STK32B: variants seen among roughly 807,000 people sequenced by gnomAD.
The protein encoded by STK32B is serine/threonine-protein kinase 32B.
Under a neutral mutation model 52.6 loss-of-function variants are expected in STK32B, and 43 were observed. The ratio of observed to expected loss-of-function variants is 0.82; its 90% CI spans 0.64 to 1.05. The LOEUF is 1.05. Among genes scored for constraint, STK32B ranks in the 50% least tolerant of loss-of-function variants. STK32B has a pLI of 0.00. For missense variants in STK32B, 621 were observed against 534.6 expected (o/e 1.16, Z -1.59); for synonymous variants, 238 against 204.3 (o/e 1.17, Z -1.41).
At chr4:5,044,720 AAC>A in the STK32B span, among the ~76,000 whole-genome samples, 2 of 152,126 alleles carry the variant, frequency 1.3e-5, no homozygotes, top group Admixed American at 1.3e-4. Context: ...CAGCCTGGGA[AAC>A]ACAGTGAGAC....
intron 3 of STK32B, among the ~76,000 whole-genome samples, chr4:5,221,412 T>G (rs1312841466): frequency 6.6e-6 from 1 of 152,204 alleles, no homozygotes; most frequent in Non-Finnish European, 1.5e-5. Flanking sequence ...GATGGACTCC[T>G]AGATAATACC....
intron 3 of STK32B, among the ~76,000 whole-genome samples, chr4:5,307,677 T>C (rs917791275): frequency 6.6e-6 from 1 of 152,112 alleles, no homozygotes; most frequent in South Asian, 2.1e-4. Flanking sequence ...GTGTGATCTT[T>C]TGGGAGTGTT....
rs1050411836 is a variant in STK32B, at chr4:5,394,050, G to A, written c.435-4157G>A. On this transcript the variant is annotated intron_variant, in intron 4 of 11. Coordinates refer to ENST00000282908, the MANE Select transcript of STK32B (RefSeq NM_018401.3). The surrounding 1 kb of genome is among the most constrained non-coding windows in gnomAD (Gnocchi z 4.2). Reference sequence around the variant, plus strand: ...GATTGCCAGCATAGAATATTGAGAAGCCCCCTGCCAAAAGACACATGCAGA... The same window carrying A: ...GATTGCCAGCATAGAATATTGAGAAACCCCCTGCCAAAAGACACATGCAGA... Among the ~76,000 whole-genome samples, 4 of 152,186 alleles carry A rather than the reference G, an allele frequency of 2.6e-5. No individual in the cohort carries two copies. Among genetic ancestry groups the A allele is most frequent in the South Asian group, 2.1e-4 (1 of 4,828 alleles).
intron 11 of STK32B, among the ~76,000 whole-genome samples, chr4:5,473,378 G>A (rs79849766): frequency 0.015 from 2,302 of 152,318 alleles, 56 homozygotes; most frequent in African/African-American, 0.051. Flanking sequence ...AGTGGCAGGC[G>A]TGGCATAGAT....
chr4:5,353,700 C>T (rs1013846118), intron 4 of STK32B, among the ~76,000 whole-genome samples: 4 of 152,092 alleles, frequency 2.6e-5, no homozygotes, highest in African/African-American at 9.7e-5. Flanking sequence ...TATTATCTTA[C>T]CCCAGTTAGA....
chr4:5,471,587 C>T (rs1357376565), intron 11 of STK32B, among the ~76,000 whole-genome samples: 2 of 152,118 alleles, frequency 1.3e-5, no homozygotes, highest in Non-Finnish European at 2.9e-5. Context: ...TTGGTGGTAA[C>T]TTAGTTACGG....
chr4:5,107,060 G>T (rs1240780721), intron 1 of STK32B, among the ~76,000 whole-genome samples: 1 of 152,186 alleles, frequency 6.6e-6, no homozygotes, highest in Non-Finnish European at 1.5e-5. Context: ...AGCTTCATCT[G>T]TATTTACAGC....
chr4:5,407,554 G>A (rs547796325), intron 5 of STK32B, among the ~76,000 whole-genome samples: 2 of 152,154 alleles, frequency 1.3e-5, no homozygotes, highest in Non-Finnish European at 2.9e-5. Context: ...TCCACAGGCT[G>A]TACAGGAGTC....
At chr4:5,108,490 G>T (rs1016409376) in intron 1 of STK32B, among the ~76,000 whole-genome samples, 4 of 152,110 alleles carry the variant, frequency 2.6e-5, no homozygotes, top group African/African-American at 7.2e-5. Flanking sequence ...CATAAAACAC[G>T]TTGGGAAATA....
At chr4:5,181,864 G>A (rs1172033471) in intron 3 of STK32B, among the ~76,000 whole-genome samples, 2 of 152,218 alleles carry the variant, frequency 1.3e-5, no homozygotes, top group African/African-American at 4.8e-5. Context: ...AAGACAACAA[G>A]AAAGTGTGCC....
upstream of STK32B, among the ~76,000 whole-genome samples, chr4:5,049,632 G>A (rs1233526302): frequency 1.3e-5 from 2 of 152,168 alleles, no homozygotes; most frequent in African/African-American, 4.8e-5. Context: ...GCAGGAACAG[G>A]CCATTTTCAC....
rs896549040 is a variant in STK32B, at chr4:5,394,400, C to G, written c.435-3807C>G. ...TGACGCGCTGGAGCTGAGATACGAT[C>G]AATGTGAAAAATAGAGCTGGAGGAA... On this transcript the variant is annotated intron_variant, in intron 4 of 11. Coordinates refer to ENST00000282908, the MANE Select transcript of STK32B (RefSeq NM_018401.3). This position sits in a 1 kb window ranked among gnomAD's most constrained non-coding sequence, Gnocchi z 4.2. Among the ~76,000 whole-genome samples, 1 of 152,138 alleles carries G rather than the reference C, an allele frequency of 6.6e-6. No homozygotes were observed. The highest frequency in any genetic ancestry group is 1.5e-5 in the Non-Finnish European group (1 of 68,024).
At chr4:5,171,838 T>G (rs1370607038) in intron 3 of STK32B, among the ~76,000 whole-genome samples, 2 of 151,188 alleles carry the variant, frequency 1.3e-5, no homozygotes, top group Non-Finnish European at 3.0e-5. Flanking sequence ...TTTCCAATTC[T>G]GTGAAGAAAG....
At chr4:5,193,790 T>C (rs934228696) in intron 3 of STK32B, among the ~76,000 whole-genome samples, 1 of 152,256 alleles carries the variant, frequency 6.6e-6, no homozygotes, top group African/African-American at 2.4e-5. Context: ...GAGTGTTTGC[T>C]GATTCAGAAC....
chr4:5,074,627 C>A (rs10014002), intron 1 of STK32B, among the ~76,000 whole-genome samples: 25,013 of 151,996 alleles, frequency 0.16, 2,290 homozygotes, highest in Non-Finnish European at 0.21. Flanking sequence ...GCACTAAACA[C>A]ATGTCTGGCA....
At chr4:5,215,254 G>T (rs1374278341) in intron 3 of STK32B, among the ~76,000 whole-genome samples, 1 of 152,206 alleles carries the variant, frequency 6.6e-6, no homozygotes, top group Admixed American at 6.5e-5. Context: ...AATCTGCAGG[G>T]ACAGTGATGT....
intron 2 of STK32B, among the ~76,000 whole-genome samples, chr4:5,162,859 G>A (rs1718551904): frequency 1.3e-5 from 2 of 152,230 alleles, no homozygotes; most frequent in South Asian, 4.1e-4. Context: ...TTGGTGACAA[G>A]TGTTCAGCTT....
intron 9 of STK32B, among the ~76,000 whole-genome samples, chr4:5,465,695 A>C (rs116698522): frequency 0.013 from 1,918 of 152,178 alleles, 35 homozygotes; most frequent in African/African-American, 0.044. Flanking sequence ...AGGCAGAGAG[A>C]GGTTATGAAT....
At chr4:5,314,118 T>A (rs989295668) in intron 3 of STK32B, among the ~76,000 whole-genome samples, 2 of 125,570 alleles carry the variant, frequency 1.6e-5, no homozygotes, top group African/African-American at 1.1e-4. Flanking sequence ...GCTAAGCAAT[T>A]TTGAAAAAAA....
Sources: allele counts gnomAD v4.1 joint callset (sites outside exome capture counted in the v4.1 genomes callset), GRCh38; gene constraint gnomAD v4.1.1; non-coding constraint Gnocchi (gnomAD v3.1); transcripts MANE v1.5; gene names NCBI Gene and HGNC (gene_info 2026-07-23, HGNC 2026-07-21).